MMP8: variants seen among roughly 807,000 people sequenced by gnomAD.
MMP8 encodes neutrophil collagenase.
In MMP8, 67 loss-of-function variants were observed where a neutral mutation model predicts 51.2. The observed-to-expected ratio is 1.31, with a 90% CI of 1.08 to 1.60. MMP8 has a LOEUF of 1.60. MMP8 is among the 40% of genes most tolerant of loss of function. The pLI is 0.00. For synonymous variants in MMP8, 225 were observed against 191.0 expected (o/e 1.18, Z -1.47); for missense variants, 654 against 558.1 (o/e 1.17, Z -1.73).
rs1591677397 is a variant in MMP8 at position 102,718,575 on chromosome 11, T to C, written c.623A>G (p.Asn208Ser). 2 of 1,613,800 alleles carry C rather than the reference T, an allele frequency of 1.2e-6. No individual in the cohort carries two copies. Among genetic ancestry groups the C allele is most frequent in the Non-Finnish European group, 1.7e-6 (2 of 1,179,832 alleles). ...AGCAGCAACAAGAAACAAGTTGTAATCTGAAATGCAAACACGGGTGGTAAA... is the reference window on the plus strand; with the variant it reads ...AGCAGCAACAAGAAACAAGTTGTAACCTGAAATGCAAACACGGGTGGTAAA... ...AEETWTNTSANYNLFLVAAHE... is the reference protein window; with the variant it reads ...AEETWTNTSASYNLFLVAAHE... The change falls in exon 5 of 10, where the codon AAT becomes AGT. Residue 208 changes from asparagine to serine, a missense_variant and splice_region_variant. By Grantham distance (46) the Asn-to-Ser change is conservative. Transcript: ENST00000236826.
At position 102,724,819 on chromosome 11, in the gene MMP8, G is replaced by C; in HGVS notation, c.37C>G (p.Leu13Val). ...AAGGCCTTGGAAATCTGCACATGGA[G>C]TAAGAGCAGAAATGGAAGCGTCTTC... is the stretch of plus-strand genomic sequence containing the variant. ...SLKTLPFLLL[L>V]HVQISKAFPV... is the part of the protein sequence containing the mutation. The change falls in exon 1 of 10, where the codon CTC becomes GTC. Residue 13 changes from leucine (L) to valine (V), a missense_variant. Coordinates refer to ENST00000236826, the MANE Select transcript of MMP8 (RefSeq NM_002424.3). The C allele has an allele frequency of 1.9e-6, 3 of 1,609,890 alleles. No homozygotes were observed. The highest frequency in any genetic ancestry group is 2.5e-6 in the Non-Finnish European group (3 of 1,177,544).
chr11:102,721,404 C>T lies in MMP8; in HGVS notation c.619G>A (p.Ala207Thr), dbSNP rs754594183. ...DAEETWTNTS[A>T]NYNLFLVAAH... ...GACATAATCTTGATTAACTTACTTG[C>T]GGAGGTGTTGGTCCATGTTTCTTCG... Residue 207 changes from alanine to threonine, a missense_variant, in exon 4 of 10, where the codon GCA becomes ACA. Transcript: ENST00000236826. 1.1e-5 allele frequency: 18 copies of T among 1,613,368 alleles called. No homozygotes were observed. Among genetic ancestry groups the T allele is most frequent in the Admixed American group, 1.7e-5 (1 of 59,934 alleles).
At chr11:102,722,391 G>A in intron 2 of MMP8, 38 bp downstream of exon 2, 1 of 1,606,918 alleles carries the variant, frequency 6.2e-7, no homozygotes, top group Non-Finnish European at 8.5e-7. Context: ...AGTCCATACT[G>A]GATAAATGAG....
chr11:102,724,702 T>C, intron 1 of MMP8, 52 bp downstream of exon 1: 1 of 1,466,988 alleles, frequency 6.8e-7, no homozygotes, highest in Non-Finnish European at 9.3e-7. Context: ...CAACCCACAC[T>C]ATTTCCTAAT....
chr11:102,720,184 G>T (rs1226120912), intron 4 of MMP8, among the ~76,000 whole-genome samples: 2 of 152,192 alleles, frequency 1.3e-5, no homozygotes, highest in Non-Finnish European at 2.9e-5. Context: ...ATACCAAGTG[G>T]AAGTATTTGG....
intron 1 of MMP8, chr11:102,723,126 T>A: frequency 9.2e-7 from 1 of 1,081,962 alleles, no homozygotes; most frequent in Non-Finnish European, 1.2e-6. Context: ...TTCCAAGTGA[T>A]GATTCAGATT....
chr11:102,719,660 C>T (rs758880101), intron 4 of MMP8, among the ~76,000 whole-genome samples: 2 of 152,214 alleles, frequency 1.3e-5, no homozygotes, highest in Non-Finnish European at 2.9e-5. Context: ...TACCCATGCT[C>T]TAAGAATTGT....
At chr11:102,719,235 T>C (rs1470040124) in intron 4 of MMP8, among the ~76,000 whole-genome samples, 2 of 152,178 alleles carry the variant, frequency 1.3e-5, no homozygotes, top group African/African-American at 2.4e-5. Context: ...TCACTTCCTA[T>C]CAAATAAAGC....
At chr11:102,716,471 C>T (rs760609688) in intron 5 of MMP8, 52 bp from the exon 6 acceptor site, 209 of 1,176,260 alleles carry the variant, frequency 1.8e-4, no homozygotes, top group South Asian at 1.6e-3. Context: ...AGAGTAAGTC[C>T]GGTGTGACTC....
intron 7 of MMP8, 109 bp downstream of exon 7, chr11:102,715,195 C>T: frequency 7.4e-7 from 1 of 1,357,872 alleles, no homozygotes; most frequent in South Asian, 1.5e-5. Context: ...AAAGCCTGGC[C>T]AGCTTAATGC....
At position 102,712,177 on chromosome 11, in the gene MMP8, C is replaced by G. The variant is rs1360502419; in HGVS notation, c.*1171G>C. The G allele has an allele frequency of 1.3e-5, 2 of 152,126 alleles. No individual in the cohort carries two copies. The highest frequency in any genetic ancestry group is 4.8e-5 in the African/African-American group (2 of 41,418). The allele number at this position is 152,126 out of a possible 1,614,324, so 9.4% of individuals were successfully genotyped here. A position where few individuals can be genotyped will look rare whatever the true frequency, so the allele number is the denominator to read the frequency against. ...CCAAGTTATCTATAGTGTGTGCCCT[C>G]CTGAGTACCCCAGGAAATAGAAGTA... is the stretch of plus-strand genomic sequence containing the variant. On this transcript the variant is annotated 3_prime_UTR_variant, in exon 10 of 10. Coordinates refer to ENST00000236826, the MANE Select transcript of MMP8 (RefSeq NM_002424.3).
At chr11:102,720,121 A>G (rs34341556) in intron 4 of MMP8, among the ~76,000 whole-genome samples, 4,729 of 152,304 alleles carry the variant, frequency 0.031, 254 homozygotes, top group East Asian at 0.24. Flanking sequence ...GAATACGTGA[A>G]ATAAGAAGAC....
intron 5 of MMP8, among the ~76,000 whole-genome samples, chr11:102,718,084 G>A (rs1219993023): frequency 2.0e-5 from 3 of 149,366 alleles, no homozygotes; most frequent in Non-Finnish European, 4.4e-5. Context: ...TCCAGCCTGG[G>A]CAACAGAGTG....
At chr11:102,717,300 G>A (rs1179156830) in intron 5 of MMP8, among the ~76,000 whole-genome samples, 3 of 152,120 alleles carry the variant, frequency 2.0e-5, no homozygotes, top group African/African-American at 7.2e-5. Context: ...TCTTATCCAG[G>A]CAATATGGCA....
intron 1 of MMP8, chr11:102,723,204 G>A: frequency 2.2e-6 from 1 of 456,836 alleles, no homozygotes; most frequent in Admixed American, 2.7e-5. Context: ...ATCTTTTAGG[G>A]GAACAGCAAT....
chr11:102,721,721 T>C lies in MMP8; in HGVS notation c.389A>G (p.Glu130Gly). 1 of 1,613,782 alleles carries C rather than the reference T, an allele frequency of 6.2e-7. No homozygotes were observed. Among genetic ancestry groups the C allele is most frequent in the Non-Finnish European group, 8.5e-7 (1 of 1,179,756 alleles). ...TTCAAAGGCATCCTTGATAGCTCTT[T>C]CTACCTCAGCCTCTGACAGCTGTGG... ...YTPQLSEAEV[E>G]RAIKDAFELW... The change falls in exon 3 of 10, where the codon GAA becomes GGA. Residue 130 changes from glutamate to glycine, a missense_variant. Coordinates refer to ENST00000236826, the MANE Select transcript of MMP8 (RefSeq NM_002424.3).
chr11:102,714,676 A>G lies in MMP8; in HGVS notation c.1070T>C (p.Ile357Thr). Residue 357 changes from isoleucine (I) to threonine (T), a missense_variant, in exon 8 of 10, where the codon ATT becomes ACT. Coordinates refer to ENST00000236826, the MANE Select transcript of MMP8 (RefSeq NM_002424.3). ...TATATCCTTGGGATAACCTTGCAGA[A>G]TATCATAGCCACTCAGAGCCCAGTA... Reference protein sequence around the residue: ...NQYWALSGYDILQGYPKDISN... With the variant: ...NQYWALSGYDTLQGYPKDISN... The G allele has an allele frequency of 1.3e-6, 2 of 1,543,420 alleles. No homozygotes were observed. The highest frequency in any genetic ancestry group is 1.7e-6 in the Non-Finnish European group (2 of 1,148,578).
At position 102,718,441 on chromosome 11, in the gene MMP8, C is replaced by G. The variant is rs1294178354; in HGVS notation, c.757G>C (p.Asp253His). The G allele has an allele frequency of 6.2e-7, 1 of 1,612,882 alleles. No homozygotes were observed. Among genetic ancestry groups the G allele is most frequent in the African/African-American group, 1.3e-5 (1 of 74,886 alleles). The change falls in exon 5 of 10, where the codon GAC (aspartate) becomes CAC (histidine). Residue 253 changes from aspartate (D) to histidine (H), a missense_variant. Asp to His is a moderately conservative substitution (Grantham distance 81). Transcript: ENST00000236826. The stretch of plus-strand genomic sequence containing the variant: ...TAGATGGCCTGAATGCCATCGATGT[C>G]ATCTTGAGGGAGTGAGTAGTTGCTG... ...ETSNYSLPQD[D>H]IDGIQAIYGL...
At chr11:102,715,505 C>T in intron 6 of MMP8, 68 bp from the exon 7 acceptor site, 1 of 1,543,190 alleles carries the variant, frequency 6.5e-7, no homozygotes, top group Admixed American at 2.0e-5. Context: ...GTTCCTGTGA[C>T]TTTTAGGCTA....
Sources: gnomAD v4.1 joint callset for allele counts (sites outside exome capture counted in the v4.1 genomes callset) on GRCh38, gnomAD v4.1.1 for gene constraint, MANE v1.5 for transcripts, NCBI Gene and HGNC (gene_info 2026-07-23, HGNC 2026-07-21) for gene names.